MTUS2: variants seen among roughly 807,000 people sequenced by gnomAD.
MTUS2 encodes the protein microtubule-associated tumor suppressor candidate 2.
Under a neutral mutation model 114.1 loss-of-function variants are expected in MTUS2, and 40 were observed. The observed-to-expected ratio is 0.35, with a 90% confidence interval of 0.27 to 0.46. The LOEUF (loss-of-function observed/expected upper bound fraction) is 0.46, where lower values mean the gene tolerates loss of function less well. Ranked by LOEUF, MTUS2 falls within the 20% of genes least tolerant of loss-of-function variation. The probability of loss-of-function intolerance (pLI) is 1.00; values close to 1 mark genes in which losing one functional copy is unlikely to be tolerated. For missense variants in MTUS2, 1,679 were observed against 1,705.4 expected (o/e 0.98, Z 0.27); for synonymous variants, 688 against 672.0 (o/e 1.02, Z -0.37).
chr13:29,399,783 A>G (rs998478383), intron 8 of MTUS2, among the ~76,000 whole-genome samples: 2 of 152,242 alleles, frequency 1.3e-5, no homozygotes, highest in African/African-American at 4.8e-5. Flanking sequence ...AGAATTAATA[A>G]GTAAAACCCA....
At chr13:29,151,497 C>T (rs1173870073) in intron 5 of MTUS2, among the ~76,000 whole-genome samples, 1 of 152,156 alleles carries the variant, frequency 6.6e-6, no homozygotes, top group Non-Finnish European at 1.5e-5. Flanking sequence ...GATAATTTGA[C>T]TTCCTCTCTT....
chr13:28,966,740 A>AC (rs1883609200), intron 2 of MTUS2, among the ~76,000 whole-genome samples: 1 of 151,676 alleles, frequency 6.6e-6, no homozygotes, highest in Non-Finnish European at 1.5e-5. Flanking sequence ...AAAAAAAAAA[A>AC]AAAAAAAACA....
rs1486634634 is a variant in MTUS2, at chr13:28,908,330, C to T, written c.-243+68480C>T. Among the ~76,000 whole-genome samples, 4 of 151,376 alleles carry T rather than the reference C, an allele frequency of 2.6e-5. No homozygotes were observed. The East Asian group carries it at 7.7e-4, about 29-fold the overall frequency. ...CAACAGGCCCCGGTGGGTGATGTTC[C>T]CCTTCCTGTGTCCATGTGTTCTCAT... On this transcript the variant is annotated intron_variant, in intron 2 of 15. Transcript: ENST00000612955.
chr13:29,187,700 CA>C (rs1009284885), intron 5 of MTUS2, among the ~76,000 whole-genome samples: 1 of 152,096 alleles, frequency 6.6e-6, no homozygotes, highest in Non-Finnish European at 1.5e-5. Context: ...CAGATGAGGT[CA>C]AAATTATTCC....
At chr13:28,994,586 C>T (rs989441886) in intron 2 of MTUS2, among the ~76,000 whole-genome samples, 1 of 152,060 alleles carries the variant, frequency 6.6e-6, no homozygotes, top group Non-Finnish European at 1.5e-5. Flanking sequence ...TTTTAGTGAT[C>T]GCTATTCTAA....
intron 2 of MTUS2, among the ~76,000 whole-genome samples, chr13:28,898,341 A>C (rs1879414611): frequency 6.6e-6 from 1 of 152,206 alleles, no homozygotes; most frequent in Non-Finnish European, 1.5e-5. Flanking sequence ...ATACATGGCC[A>C]AAAACACTAT....
intron 2 of MTUS2, among the ~76,000 whole-genome samples, chr13:28,921,681 G>C (rs1881049471): frequency 1.3e-5 from 2 of 152,172 alleles, no homozygotes; most frequent in African/African-American, 4.8e-5. Flanking sequence ...TGCTAGTGAG[G>C]CTTGTTGAGA....
chr13:29,100,944 A>T lies in MTUS2; in HGVS notation c.2618A>T (p.Gln873Leu). The stretch of plus-strand genomic sequence containing the variant: ...AGCACCCAGTCCGGGGACAGTGCAC[A>T]GCCAGAGCAGGGCCGGCCAGCCACC... ...VSSTQSGDSA[Q>L]PEQGRPATRS... The change falls in exon 5 of 16, where the codon CAG (glutamine) becomes CTG (leucine). Residue 873 changes from glutamine (Q) to leucine (L), a missense_variant. Transcript: ENST00000612955. The T allele has an allele frequency of 6.4e-7, 1 of 1,573,884 alleles. No homozygotes were observed. The highest frequency in any genetic ancestry group is 8.6e-7 in the Non-Finnish European group (1 of 1,159,108).
intron 2 of MTUS2, among the ~76,000 whole-genome samples, chr13:28,901,324 C>T (rs1483445601): frequency 6.6e-6 from 1 of 152,100 alleles, no homozygotes; most frequent in African/African-American, 2.4e-5. Context: ...CTCTTTTTAT[C>T]CCCTTGACAG....
At chr13:29,277,224 G>A (rs896905285) in intron 5 of MTUS2, among the ~76,000 whole-genome samples, 1 of 152,068 alleles carries the variant, frequency 6.6e-6, no homozygotes, top group African/African-American at 2.4e-5. Flanking sequence ...ATGATACTAA[G>A]CCTTCTTTGT....
At chr13:28,847,549 C>T (rs1875969959) in intron 2 of MTUS2, among the ~76,000 whole-genome samples, 1 of 152,328 alleles carries the variant, frequency 6.6e-6, no homozygotes, top group East Asian at 1.9e-4. Flanking sequence ...ATTTCCGCTG[C>T]ATCCTCTGTC....
At chr13:28,919,104 A>G (rs1171385255) in intron 2 of MTUS2, among the ~76,000 whole-genome samples, 1 of 152,172 alleles carries the variant, frequency 6.6e-6, no homozygotes, top group Non-Finnish European at 1.5e-5. Flanking sequence ...AGAGTAGTTT[A>G]CACAGCACAC....
chr13:29,407,444 G>GTATTTATTTATT (rs1555274919), intron 8 of MTUS2, among the ~76,000 whole-genome samples: 1 of 136,482 alleles, frequency 7.3e-6, no homozygotes, highest in African/African-American at 2.7e-5. Context: ...CAGAGTGATT[G>GTATTTATTTATT]TACTTATTTA....
rs545630579 is a variant in MTUS2 at position 29,138,749 on chromosome 13, T to A, written c.2644+37779T>A. 1.8e-3 allele frequency among the ~76,000 whole-genome samples: 267 copies of A among 151,824 alleles called. 1 individual carries two copies. Among genetic ancestry groups the A allele is most frequent in the African/African-American group, 4.7e-3 (193 of 41,488 alleles). On this transcript the variant is annotated intron_variant, in intron 5 of 15. Transcript: ENST00000612955. ...AAATTTTTTCTTAAAGCTTTTTTTT[T>A]AAAAAATAACTCATCCAAAGTCAAC...
At chr13:28,855,293 T>A (rs1876551972) in intron 2 of MTUS2, among the ~76,000 whole-genome samples, 2 of 152,168 alleles carry the variant, frequency 1.3e-5, no homozygotes, top group African/African-American at 4.8e-5. Context: ...CCAGGATACA[T>A]GTGCAGGATG....
chr13:29,444,628 C>T (rs1398672827), intron 9 of MTUS2, among the ~76,000 whole-genome samples: 1 of 152,156 alleles, frequency 6.6e-6, no homozygotes, highest in Non-Finnish European at 1.5e-5. Flanking sequence ...CAATGAACTA[C>T]ACTGAAGGAA....
chr13:29,363,318 T>C (rs1170058057), intron 8 of MTUS2, among the ~76,000 whole-genome samples: 1 of 152,200 alleles, frequency 6.6e-6, no homozygotes, highest in East Asian at 1.9e-4. Flanking sequence ...ACTTATTCAG[T>C]ATTTTTCATA....
chr13:28,899,657 G>C (rs193136456), intron 2 of MTUS2, among the ~76,000 whole-genome samples: 1 of 152,084 alleles, frequency 6.6e-6, no homozygotes, highest in Admixed American at 6.6e-5. Flanking sequence ...TGATCTGCCC[G>C]TCTCGGCCTC....
chr13:29,237,037 G>T (rs1896561222), intron 5 of MTUS2, among the ~76,000 whole-genome samples: 1 of 152,192 alleles, frequency 6.6e-6, no homozygotes, highest in Non-Finnish European at 1.5e-5. Flanking sequence ...TTCTGCAGTT[G>T]TGGTTTTGAT....
Sources: gnomAD v4.1 joint callset for allele counts (sites outside exome capture counted in the v4.1 genomes callset) on GRCh38, gnomAD v4.1.1 for gene constraint, MANE v1.5 for transcripts, NCBI Gene and HGNC (gene_info 2026-07-23, HGNC 2026-07-21) for gene names.